The following USP36 variants were observed in gnomAD, a reference collection of about 807,000 sequenced individuals.
USP36 encodes ubiquitin specific peptidase 36.
In USP36, 59 loss-of-function variants were observed where a neutral mutation model predicts 111.5. That is an observed-to-expected ratio of 0.53 (90% CI 0.43 to 0.66). The LOEUF (loss-of-function observed/expected upper bound fraction) is 0.66. USP36 is among the 30% of genes least tolerant of loss of function. The pLI is 0.00. For synonymous variants in USP36, 628 were observed against 581.0 expected, an observed-to-expected ratio of 1.08 and a Z score of -1.16; for missense variants, 1,488 against 1,468.0, an observed-to-expected ratio of 1.01 and a Z score of -0.22.
intron 13 of USP36, among the ~76,000 whole-genome samples, chr17:78,808,286 A>G (rs1045108484): frequency 3.3e-5 from 5 of 152,190 alleles, no homozygotes; most frequent in Non-Finnish European, 7.3e-5. Flanking sequence ...TCTGTTGCCC[A>G]GGCTGGAGTG....
chr17:78,798,165 C>T lies in USP36; in HGVS notation c.*20+235G>A. On this transcript the variant is annotated intron_variant, in intron 20 of 20. Transcript: ENST00000449938. This position sits in a 1 kb window ranked among gnomAD's most constrained non-coding sequence, Gnocchi z 5.1. Reference sequence around the variant, plus strand: ...CACACACTACACACACCCCCTTATACACACGCATCCCACACACACCCCCTT... The same window carrying T: ...CACACACTACACACACCCCCTTATATACACGCATCCCACACACACCCCCTT... 1 of 553,102 alleles carries T rather than the reference C, an allele frequency of 1.8e-6. No individual in the cohort carries two copies. Among genetic ancestry groups the T allele is most frequent in the Admixed American group, 3.1e-5 (1 of 32,104 alleles). 34.3% of individuals were successfully genotyped at this position (553,102 alleles called of 1,614,324 possible).
At chr17:78,828,783 C>T in intron 5 of USP36, 114 bp downstream of exon 5, 1 of 1,037,248 alleles carries the variant, frequency 9.6e-7, no homozygotes, top group Non-Finnish European at 1.4e-6. Flanking sequence ...AACGGAAGGA[C>T]TGCTTAAGGC....
At chr17:78,788,623 G>A (rs1399434513) in intron 3 of USP36, among the ~76,000 whole-genome samples, 9 of 151,734 alleles carry the variant, frequency 5.9e-5, no homozygotes, top group African/African-American at 2.2e-4. Context: ...TGTGCTACAG[G>A]AACAACAGAC....
At chr17:78,823,030 C>T in intron 6 of USP36, 1 of 398,550 alleles carries the variant, frequency 2.5e-6, no homozygotes, top group Non-Finnish European at 4.4e-6. Flanking sequence ...GCCACCCAGA[C>T]CATTCCACAC....
chr17:78,837,126 A>G (rs2068759520), intron 2 of USP36, among the ~76,000 whole-genome samples: 1 of 152,188 alleles, frequency 6.6e-6, no homozygotes, highest in South Asian at 2.1e-4. Context: ...ATGAAAATGA[A>G]TTTCACCTGC....
downstream of USP36, among the ~76,000 whole-genome samples, chr17:78,793,060 C>A (rs903436519): frequency 1.6e-4 from 24 of 151,844 alleles, no homozygotes; most frequent in African/African-American, 5.8e-4. Flanking sequence ...GCCTAAGCCT[C>A]ACCCATAGAT....
At chr17:78,818,348 A>G (rs1054217302) in intron 10 of USP36, among the ~76,000 whole-genome samples, 1 of 152,192 alleles carries the variant, frequency 6.6e-6, no homozygotes, top group African/African-American at 2.4e-5. Flanking sequence ...GTGTATAACA[A>G]GCATTCAGGG....
intron 15 of USP36, 78 bp from the exon 16 acceptor site, chr17:78,804,056 C>G: frequency 9.2e-7 from 1 of 1,082,982 alleles, no homozygotes; most frequent in Non-Finnish European, 1.3e-6. Flanking sequence ...TACCCTCACT[C>G]CCCTCCCTTT....
chr17:78,839,209 T>A (rs1316952734), intron 1 of USP36, among the ~76,000 whole-genome samples: 1 of 152,188 alleles, frequency 6.6e-6, no homozygotes, highest in Non-Finnish European at 1.5e-5. Flanking sequence ...AAATTAAGGT[T>A]CGTAAAAACA....
intron 15 of USP36, among the ~76,000 whole-genome samples, chr17:78,805,464 A>T (rs1010573795): frequency 2.6e-5 from 4 of 152,176 alleles, no homozygotes; most frequent in African/African-American, 9.7e-5. Flanking sequence ...TTCTAGAACT[A>T]GAACCCAGCG....
upstream of USP36, chr17:78,840,984 C>A (rs1304438678): frequency 6.6e-6 from 1 of 152,296 alleles, no homozygotes; most frequent in Admixed American, 6.5e-5. Context: ...TACGTCACCT[C>A]CCCATCACGG....
intron 15 of USP36, among the ~76,000 whole-genome samples, 199 bp from the exon 16 acceptor site, chr17:78,804,177 G>T (rs543955632): frequency 2.6e-5 from 4 of 152,184 alleles, no homozygotes; most frequent in Non-Finnish European, 5.9e-5. Flanking sequence ...TAAATGCAAA[G>T]TTGGCCAGGT....
chr17:78,800,126 C>T (rs2093703721), intron 17 of USP36, among the ~76,000 whole-genome samples: 1 of 148,498 alleles, frequency 6.7e-6, no homozygotes, highest in Non-Finnish European at 1.5e-5. Context: ...TAACAAAAAG[C>T]TAAAAACCAA....
At chr17:78,828,292 G>A (rs376492638) in intron 5 of USP36, among the ~76,000 whole-genome samples, 61 of 152,298 alleles carry the variant, frequency 4.0e-4, no homozygotes, top group African/African-American at 1.5e-3. Flanking sequence ...ATTTCACAGT[G>A]CTACAATTTA....
intron 6 of USP36, among the ~76,000 whole-genome samples, chr17:78,823,641 C>A (rs2094384196): frequency 6.6e-6 from 1 of 152,132 alleles, no homozygotes; most frequent in African/African-American, 2.4e-5. Context: ...TGGGGTCTCA[C>A]AGGCACGCAG....
At chr17:78,835,259 C>T (rs968522710) in intron 4 of USP36, 21 bp downstream of exon 4, 27 of 1,611,448 alleles carry the variant, frequency 1.7e-5, no homozygotes, top group Non-Finnish European at 2.2e-5. Flanking sequence ...AGCCACCCCA[C>T]TGCTGCAAAC....
chr17:78,829,985 T>C (rs2067938169), intron 4 of USP36, among the ~76,000 whole-genome samples: 1 of 152,214 alleles, frequency 6.6e-6, no homozygotes, highest in African/African-American at 2.4e-5. Flanking sequence ...GTGATCCACC[T>C]GCCTCAGCCT....
Position 78,796,322 on chromosome 17 carries a change from C to T in USP36, c.*1578G>A, listed in dbSNP as rs571647418. The T allele has an allele frequency of 6.6e-6, 1 of 152,182 alleles. No homozygotes were observed. The highest frequency in any genetic ancestry group is 2.1e-4 in the South Asian group (1 of 4,788). 9.4% of individuals were successfully genotyped at this position (152,182 alleles called of 1,614,324 possible). On this transcript the variant is annotated 3_prime_UTR_variant, in exon 21 of 21. Coordinates refer to ENST00000449938, the MANE Select transcript of USP36 (RefSeq NM_001385174.1). ...CGAGAAGAAAAGGAACATACCCTGCCCGTGAAGGCATGTGCTTTCCCTTCC... is the reference window on the plus strand; with the variant it reads ...CGAGAAGAAAAGGAACATACCCTGCTCGTGAAGGCATGTGCTTTCCCTTCC...
In USP36 at chr17:78,807,131, C is replaced by G; in HGVS notation, c.1913G>C (p.Cys638Ser). The change falls in exon 14 of 21, where the codon TGC becomes TCC. Residue 638 changes from cysteine (C) to serine (S), a missense_variant. By Grantham distance (112) the Cys-to-Ser change is moderately radical. Around this residue, in one of 3 missense-constraint regions of USP36, gnomAD observed 1,073 missense variants for 994.1 expected, o/e 1.08. Transcript: ENST00000449938. Reference sequence around the variant, plus strand: ...GGAACAGTTCGTTTCCTGAGAATCGCAGAGATGGGCCGCTCCACTCCTGGG... The same window carrying G: ...GGAACAGTTCGTTTCCTGAGAATCGGAGAGATGGGCCGCTCCACTCCTGGG... ...QTPRSGAAHL[C>S]DSQETNCSTA... 6.2e-7 allele frequency: 1 copy of G among 1,614,230 alleles called. No homozygotes were observed. The highest frequency in any genetic ancestry group is 1.3e-5 in the African/African-American group (1 of 75,068).
Sources: allele counts gnomAD v4.1 joint callset (sites outside exome capture counted in the v4.1 genomes callset), GRCh38; gene constraint gnomAD v4.1.1; regional missense constraint gnomAD v4.1.1; non-coding constraint Gnocchi (gnomAD v3.1); transcripts MANE v1.5; gene names NCBI Gene and HGNC (gene_info 2026-07-23, HGNC 2026-07-21).